The following PSCA variants were observed in gnomAD, a reference collection of about 807,000 sequenced individuals.
PSCA encodes the protein prostate stem cell antigen.
PSCA carries 7 observed loss-of-function variants against 7.9 expected under a neutral mutation model. The observed-to-expected ratio is 0.89, with a 90% CI of 0.51 to 1.67. The LOEUF is 1.67. PSCA is among the 40% of genes most tolerant of loss of function. PSCA has a pLI of 0.00. For synonymous variants in PSCA, 61 were observed against 68.3 expected (o/e 0.89, Z 0.53); for missense variants, 151 against 147.9 (o/e 1.02, Z -0.11).
upstream of PSCA, chr8:142,680,419 C>A: frequency 1.6e-6 from 2 of 1,274,988 alleles, no homozygotes; most frequent in Non-Finnish European, 2.2e-6. Flanking sequence ...TCCAGGAAAC[C>A]CGCTGGTGTT....
Position 142,681,702 on chromosome 8 carries a change from C to T in PSCA, c.134-219C>T, listed in dbSNP as rs1814641116. On this transcript the variant is annotated intron_variant, in intron 2 of 2. Transcript: ENST00000301258. ...CCATCCCTGAGCTCACTTACTCACT[C>T]ACCCCATTTCTGACGCTCAGCGGGT... 14 of 604,972 alleles carry T rather than the reference C, an allele frequency of 2.3e-5. No individual in the cohort carries two copies. In the South Asian group the frequency reaches 2.6e-4, roughly 11 times the overall value. The allele number at this position is 604,972 out of a possible 1,614,324, so 37.5% of individuals were successfully genotyped here.
chr8:142,681,258 C>T, intron 1 of PSCA, 69 bp from the exon 2 acceptor site: 1 of 1,262,924 alleles, frequency 7.9e-7, no homozygotes, highest in Non-Finnish European at 1.1e-6. Context: ...GGCCCACCTG[C>T]CTGGGAGCCC....
upstream of PSCA, among the ~76,000 whole-genome samples, chr8:142,678,704 A>C (rs1195829504): frequency 3.1e-5 from 2 of 64,636 alleles, no homozygotes; most frequent in African/African-American, 7.4e-5. Context: ...CACTGCCACC[A>C]CCACCCAGCC....
At chr8:142,679,782 C>T (rs587621895), upstream of PSCA, among the ~76,000 whole-genome samples, 5 of 152,248 alleles carry the variant, frequency 3.3e-5, no homozygotes, top group South Asian at 4.1e-4. Context: ...AGCAGGCTTC[C>T]GAGACAATAG....
intron 2 of PSCA, 121 bp from the exon 3 acceptor site, chr8:142,681,800 C>A (rs1814645481): frequency 5.3e-6 from 4 of 753,006 alleles, no homozygotes; most frequent in African/African-American, 5.3e-5. Flanking sequence ...TGCTTGCAAT[C>A]CTGAGGCCAG....
chr8:142,673,526 G>A lies in PSCA; in HGVS notation n.261+2958G>A, dbSNP rs1847360086. On this transcript the variant is annotated intron_variant and non_coding_transcript_variant, in intron 1 of 1. Transcript: ENST00000505305. The surrounding 1 kb of genome is among the most constrained non-coding windows in gnomAD (Gnocchi z 4.6). ...ATAGAGCTGATTTAGCAAGACAGGGGAATTGCCATAGAGAAAGAGTTTAAT... is the reference window on the plus strand; with the variant it reads ...ATAGAGCTGATTTAGCAAGACAGGGAAATTGCCATAGAGAAAGAGTTTAAT... Among the ~76,000 whole-genome samples the A allele has an allele frequency of 2.0e-5, 3 of 152,230 alleles. No individual in the cohort carries two copies. The South Asian group carries it at 6.2e-4, about 31-fold the overall frequency.
chr8:142,678,095 T>C (rs1161947304), upstream of PSCA, among the ~76,000 whole-genome samples: 1 of 152,130 alleles, frequency 6.6e-6, no homozygotes, highest in African/African-American at 2.4e-5. Flanking sequence ...CAGAAACATC[T>C]ACCAGCCTTC....
chr8:142,673,467 A>T lies in PSCA; in HGVS notation n.261+2899A>T, dbSNP rs1402552969. Among the ~76,000 whole-genome samples the T allele has an allele frequency of 2.6e-5, 4 of 152,220 alleles. No homozygotes were observed. The highest frequency in any genetic ancestry group is 7.2e-5 in the African/African-American group (3 of 41,454). ...GAGGAAGAAAATACACTAGCGTGTA[A>T]TCACCCAGTGGGTTCATTTTGACCC... On this transcript the variant is annotated intron_variant and non_coding_transcript_variant, in intron 1 of 1. Transcript: ENST00000505305. This position sits in a 1 kb window ranked among gnomAD's most constrained non-coding sequence, Gnocchi z 4.6.
Position 142,674,418 on chromosome 8 carries a change from G to A in PSCA, n.261+3850G>A, listed in dbSNP as rs587692755. ...TCCCCCATCTTCCTAATGAATAACGGCTGGGAATCATTTCAGTCTAACCTC... is the reference window on the plus strand; with the variant it reads ...TCCCCCATCTTCCTAATGAATAACGACTGGGAATCATTTCAGTCTAACCTC... On this transcript the variant is annotated intron_variant and non_coding_transcript_variant, in intron 1 of 1. Transcript: ENST00000505305. 5.9e-5 allele frequency among the ~76,000 whole-genome samples: 9 copies of A among 151,378 alleles called. No homozygotes were observed. In the South Asian group the frequency reaches 1.9e-3, roughly 32 times the overall value.
At position 142,682,464 on chromosome 8, in the gene PSCA, C is replaced by T; in HGVS notation, c.*332C>T. ...CCCCCAGGAAGCCTTCCCTGCCCAC[C>T]CCATCTATGACTTGAGCCAGGTCTG... On this transcript the variant is annotated 3_prime_UTR_variant, in exon 3 of 3. Coordinates refer to ENST00000301258, the MANE Select transcript of PSCA (RefSeq NM_005672.5). The T allele has an allele frequency of 1.7e-6, 1 of 602,050 alleles. No homozygotes were observed. Among genetic ancestry groups the T allele is most frequent in the Non-Finnish European group, 3.1e-6 (1 of 320,190 alleles). 37.3% of individuals were successfully genotyped at this position (602,050 alleles called of 1,614,324 possible).
chr8:142,677,526 C>A (rs73714664), upstream of PSCA, among the ~76,000 whole-genome samples: 1 of 152,128 alleles, frequency 6.6e-6, no homozygotes, highest in Admixed American at 6.5e-5. Context: ...TATTTGAGGA[C>A]GGAAAGTTCC....
Position 142,682,259 on chromosome 8 carries a change from C to T in PSCA, c.*127C>T. On this transcript the variant is annotated 3_prime_UTR_variant, in exon 3 of 3. Transcript: ENST00000301258. ...AGGCACATCCTAACGCAAGTCTGAC[C>T]ATGTATGTCTGCGCCCCTGTCCCCC... 8.4e-7 allele frequency: 1 copy of T among 1,194,504 alleles called. No homozygotes were observed. The highest frequency in any genetic ancestry group is 1.2e-6 in the Non-Finnish European group (1 of 835,018). The allele number at this position is 1,194,504 out of a possible 1,614,324, so 74.0% of individuals were successfully genotyped here.
chr8:142,681,277 G>A lies in PSCA; in HGVS notation c.26-50G>A, dbSNP rs369168279. The A allele has an allele frequency of 1.0e-4, 149 of 1,423,016 alleles. No individual in the cohort carries two copies. The African/African-American group carries it at 1.6e-3, about 15-fold the overall frequency. 88.1% of individuals were successfully genotyped at this position (1,423,016 alleles called of 1,614,324 possible). On this transcript the variant is annotated intron_variant, in intron 1 of 2. Transcript: ENST00000301258. The stretch of plus-strand genomic sequence containing the variant: ...CACCTGCCTGGGAGCCCCCATTCCT[G>A]GGGAGTGCTATGGGGCAGCCTCTGA...
Position 142,682,275 on chromosome 8 carries a change from CCT to C in PSCA, c.*144_*145del, listed in dbSNP as rs587691129. 2.2e-4 allele frequency: 226 copies of C among 1,017,112 alleles called. 1 individual carries two copies. Among genetic ancestry groups the C allele is most frequent in the African/African-American group, 1.7e-3 (107 of 63,406 alleles). 63.0% of individuals were successfully genotyped at this position (1,017,112 alleles called of 1,614,324 possible). A position where few individuals can be genotyped will look rare whatever the true frequency, so the allele number is the denominator to read the frequency against. On this transcript the variant is annotated 3_prime_UTR_variant, in exon 3 of 3. Transcript: ENST00000301258. Reference sequence around the variant, plus strand: ...AAGTCTGACCATGTATGTCTGCGCCCCTGTCCCCCACCCTGACCCTCCCATGG... The same window carrying C: ...AAGTCTGACCATGTATGTCTGCGCCCGTCCCCCACCCTGACCCTCCCATGG...
intron 1 of PSCA, among the ~76,000 whole-genome samples, chr8:142,671,521 A>G (rs146658606): frequency 6.6e-6 from 1 of 152,320 alleles, no homozygotes; most frequent in African/African-American, 2.4e-5. Context: ...TAGGACAGCA[A>G]TAATAAACAA....
chr8:142,682,164 G>A lies in PSCA; in HGVS notation c.*32G>A, dbSNP rs782076686. 1.3e-6 allele frequency: 2 copies of A among 1,575,816 alleles called. No individual in the cohort carries two copies. Among genetic ancestry groups the A allele is most frequent in the African/African-American group, 1.3e-5 (1 of 74,530 alleles). On this transcript the variant is annotated 3_prime_UTR_variant, in exon 3 of 3. Transcript: ENST00000301258. ...GGGGGCCCCGCTGCAGCCCACACTG[G>A]GTGTGGTGCCCCAGGCCTCTGTGCC... is the stretch of plus-strand genomic sequence containing the variant.
Position 142,681,497 on chromosome 8 carries a change from G to T in PSCA, c.133+63G>T, listed in dbSNP as rs782501935. On this transcript the variant is annotated intron_variant, in intron 2 of 2. Coordinates refer to ENST00000301258, the MANE Select transcript of PSCA (RefSeq NM_005672.5). Reference sequence around the variant, plus strand: ...TGCCACTGAACTATTAATCTTTCTGGCCATCTGTCCGCATCTGTGTGCTGT... The same window carrying T: ...TGCCACTGAACTATTAATCTTTCTGTCCATCTGTCCGCATCTGTGTGCTGT... The T allele has an allele frequency of 1.7e-5, 24 of 1,436,052 alleles. No individual in the cohort carries two copies. In the East Asian group the frequency reaches 5.7e-4, roughly 34 times the overall value. The allele number at this position is 1,436,052 out of a possible 1,614,324, so 89.0% of individuals were successfully genotyped here.
At chr8:142,677,099 G>A (rs1280360499), upstream of PSCA, among the ~76,000 whole-genome samples, 5 of 152,202 alleles carry the variant, frequency 3.3e-5, no homozygotes, top group Non-Finnish European at 7.3e-5. Context: ...CTCAGGGTGG[G>A]GCCGTAACCA....
intron 1 of PSCA, among the ~76,000 whole-genome samples, chr8:142,671,697 A>G (rs1342236258): frequency 4.6e-5 from 7 of 152,098 alleles, no homozygotes; most frequent in Non-Finnish European, 8.8e-5. Context: ...GACTACAAGC[A>G]TGCACTGTCT....
Sources: allele counts gnomAD v4.1 joint callset (sites outside exome capture counted in the v4.1 genomes callset), GRCh38; gene constraint gnomAD v4.1.1; non-coding constraint Gnocchi (gnomAD v3.1); transcripts MANE v1.5; gene names NCBI Gene and HGNC (gene_info 2026-07-23, HGNC 2026-07-21).